The following CEP162 variants were observed in gnomAD, a reference collection of about 807,000 sequenced individuals.
CEP162 encodes centrosomal protein 162.
In CEP162, 141 loss-of-function variants were observed where a neutral mutation model predicts 169.2. That is an observed-to-expected ratio of 0.83 (90% CI 0.73 to 0.96). The LOEUF is 0.96. Ranked by LOEUF, CEP162 falls within the 40% of genes least tolerant of loss-of-function variation. The pLI, the probability that CEP162 is intolerant of heterozygous loss-of-function variation, is 0.00. For missense variants in CEP162, 1,600 were observed against 1,587.2 expected (o/e 1.01, Z -0.14); for synonymous variants, 540 against 526.4 (o/e 1.03, Z -0.35).
chr6:84,206,565 T>C (rs1454613950), intron 6 of CEP162, among the ~76,000 whole-genome samples: 2 of 152,102 alleles, frequency 1.3e-5, no homozygotes, highest in African/African-American at 4.8e-5. Flanking sequence ...ACACAAAAAT[T>C]AATTCAAGAT....
intron 16 of CEP162, among the ~76,000 whole-genome samples, chr6:84,172,779 T>C (rs919130113): frequency 2.7e-4 from 41 of 152,124 alleles, no homozygotes; most frequent in African/African-American, 8.7e-4. Context: ...TGGGTGATAA[T>C]GCATGTTACT....
intron 25 of CEP162, among the ~76,000 whole-genome samples, chr6:84,137,566 T>C (rs1157502591): frequency 2.0e-5 from 3 of 151,906 alleles, no homozygotes; most frequent in Admixed American, 6.6e-5. Context: ...AATGAAAAAA[T>C]CTGTAATCAG....
intron 3 of CEP162, among the ~76,000 whole-genome samples, chr6:84,220,457 C>G (rs542468032): frequency 6.6e-6 from 1 of 152,086 alleles, no homozygotes; most frequent in Admixed American, 6.6e-5. Context: ...GACCCTATCT[C>G]TACAAGAAAT....
intron 9 of CEP162, among the ~76,000 whole-genome samples, chr6:84,197,083 G>A (rs1188230804): frequency 6.6e-6 from 1 of 152,042 alleles, no homozygotes; most frequent in Non-Finnish European, 1.5e-5. Flanking sequence ...TATCTGCTGA[G>A]CATACATAAA....
rs190362806 is a variant in CEP162, at chr6:84,223,607, G to A, written c.58-2436C>T. Among the ~76,000 whole-genome samples, 99 of 151,132 alleles carry A rather than the reference G, an allele frequency of 6.6e-4. 1 individual carries two copies. Among genetic ancestry groups the A allele is most frequent in the African/African-American group, 2.4e-3 (97 of 41,188 alleles). On this transcript the variant is annotated intron_variant, in intron 2 of 26. Coordinates refer to ENST00000403245, the MANE Select transcript of CEP162 (RefSeq NM_014895.4). ...ATACAACAGTTGTTGGCAAGGATAT[G>A]GAGAAACTGGAACTCTAGGCTGGGT...
chr6:84,219,505 G>A (rs1028501484), intron 3 of CEP162, among the ~76,000 whole-genome samples: 1 of 152,110 alleles, frequency 6.6e-6, no homozygotes, highest in Non-Finnish European at 1.5e-5. Flanking sequence ...CTAGACAAAA[G>A]GCTTTGTGTC....
At chr6:84,162,416 A>C (rs1359056581) in intron 19 of CEP162, among the ~76,000 whole-genome samples, 1 of 152,190 alleles carries the variant, frequency 6.6e-6, no homozygotes, top group African/African-American at 2.4e-5. Context: ...ATTTTCTTAC[A>C]AACAGGTCAG....
intron 9 of CEP162, among the ~76,000 whole-genome samples, chr6:84,197,662 C>G (rs947080532): frequency 4.6e-5 from 7 of 151,582 alleles, no homozygotes; most frequent in African/African-American, 1.5e-4. Context: ...AAAAAAAATA[C>G]AAAAATTAGC....
Position 84,154,095 on chromosome 6 carries a change from CA to C in CEP162, c.2995-917del, listed in dbSNP as rs769066692. Among the ~76,000 whole-genome samples the C allele has an allele frequency of 2.3e-4, 35 of 151,982 alleles. 1 individual carries two copies. Among genetic ancestry groups the C allele is most frequent in the Admixed American group, 2.0e-3 (31 of 15,262 alleles). ...TGAATGTTTGGTATATACAGGGAAT[CA>C]GAAATGAAAGGGGGAAGAGACAAGT... On this transcript the variant is annotated intron_variant, in intron 22 of 26. Transcript: ENST00000403245.
chr6:84,144,971 T>C (rs1022419908), intron 25 of CEP162, among the ~76,000 whole-genome samples: 70 of 152,144 alleles, frequency 4.6e-4, no homozygotes, highest in African/African-American at 1.7e-3. Flanking sequence ...GAATCTGTTC[T>C]CTTTGTAACA....
At chr6:84,152,053 T>C (rs1270093634) in intron 23 of CEP162, among the ~76,000 whole-genome samples, 5 of 152,016 alleles carry the variant, frequency 3.3e-5, no homozygotes, top group Admixed American at 3.3e-4. Context: ...CAAATGGAGA[T>C]AGTGAGAAGG....
At chr6:84,219,790 G>C (rs972806886) in intron 3 of CEP162, among the ~76,000 whole-genome samples, 1 of 152,158 alleles carries the variant, frequency 6.6e-6, no homozygotes, top group Non-Finnish European at 1.5e-5. Context: ...CAAGGACAAA[G>C]AAGTGTTTCC....
Position 84,160,842 on chromosome 6 carries a change from A to C in CEP162, c.2751T>G (p.Asp917Glu). 1 of 1,612,816 alleles carries C rather than the reference A, an allele frequency of 6.2e-7. No individual in the cohort carries two copies. Among genetic ancestry groups the C allele is most frequent in the South Asian group, 1.1e-5 (1 of 91,060 alleles). The change falls in exon 21 of 27, where the codon GAT becomes GAG. Residue 917 changes from aspartate (D) to glutamate (E), a missense_variant. Physicochemically the swap from Asp to Glu is conservative, Grantham distance 45. Coordinates refer to ENST00000403245, the MANE Select transcript of CEP162 (RefSeq NM_014895.4). ...QKIRLKDKAA[D>E]AKKIQDLERQ... ...GCTCCAGATCCTGAATTTTTTTGGC[A>C]TCTGCTGCTTTATCTTTTAAGCGTA...
At chr6:84,225,287 A>T (rs745591527) in intron 2 of CEP162, among the ~76,000 whole-genome samples, 1 of 152,226 alleles carries the variant, frequency 6.6e-6, no homozygotes, top group Admixed American at 6.5e-5. Context: ...CCTAGGCTAT[A>T]TGGTATAGCT....
At position 84,212,831 on chromosome 6, in the gene CEP162, A is replaced by C. The variant is rs10046117; in HGVS notation, c.571+126T>G. On this transcript the variant is annotated intron_variant, in intron 6 of 26. Coordinates refer to ENST00000403245, the MANE Select transcript of CEP162 (RefSeq NM_014895.4). ...TAGCAGCTCAGTTTATAACACAGGC[A>C]AACCCACTCTATTCAAAGCTCTGAG... is the stretch of plus-strand genomic sequence containing the variant. The C allele has an allele frequency of 0.014, 9,000 of 623,616 alleles. 672 individuals are homozygous for C. The African/African-American group carries it at 0.15, about 10-fold the overall frequency. The allele number at this position is 623,616 out of a possible 1,614,324, so 38.6% of individuals were successfully genotyped here.
At chr6:84,127,379 T>C (rs2099509364) in intron 25 of CEP162, among the ~76,000 whole-genome samples, 1 of 152,060 alleles carries the variant, frequency 6.6e-6, no homozygotes, top group African/African-American at 2.4e-5. Flanking sequence ...CATGCAAAGA[T>C]ACAAGCAAAT....
In CEP162 at chr6:84,174,874, C is replaced by T; in HGVS notation, c.1878G>A (p.Trp626Ter). Residue 626 changes from tryptophan (W) to a stop codon, truncating the protein, a stop_gained, in exon 15 of 27, where the codon TGG becomes TGA. Transcript: ENST00000403245. LOFTEE classifies it high-confidence loss of function. ...FKRVQEAEDK[W>*]RGAQALIEQI... ...GCTCAATTAGGGCTTGCGCACCCCT[C>T]CATTTATCCTCTGCTTCCTGAACTC... The T allele has an allele frequency of 6.4e-7, 1 of 1,565,766 alleles. No individual in the cohort carries two copies. The highest frequency in any genetic ancestry group is 1.9e-5 in the Admixed American group (1 of 53,816).
At chr6:84,167,968 T>C (rs2099528504) in intron 18 of CEP162, among the ~76,000 whole-genome samples, 1 of 152,188 alleles carries the variant, frequency 6.6e-6, no homozygotes, top group South Asian at 2.1e-4. Flanking sequence ...TTTTTATCCA[T>C]CCTTACTTTT....
intron 6 of CEP162, among the ~76,000 whole-genome samples, chr6:84,204,334 C>T (rs184600354): frequency 1.1e-3 from 162 of 152,238 alleles, no homozygotes; most frequent in African/African-American, 3.7e-3. Context: ...GCAAGTAAAG[C>T]ACTCCTCGGC....
Sources: allele counts gnomAD v4.1 joint callset (sites outside exome capture counted in the v4.1 genomes callset), GRCh38; gene constraint gnomAD v4.1.1; transcripts MANE v1.5; gene names NCBI Gene and HGNC (gene_info 2026-07-23, HGNC 2026-07-21).